The following NBPF20 variants were observed in gnomAD, a reference collection of about 807,000 sequenced individuals.
NBPF20 encodes NBPF family member NBPF20.
In NBPF20, 90 loss-of-function variants were observed where a neutral mutation model predicts 68.1. That is an observed-to-expected ratio of 1.32 (90% CI 1.11 to 1.58). The LOEUF is 1.58. Among genes scored for constraint, NBPF20 ranks in the 40% most tolerant of loss-of-function variants. NBPF20 has a pLI of 0.00. For missense variants in NBPF20, 816 were observed against 601.2 expected (o/e 1.36, Z -3.74); for synonymous variants, 290 against 228.1 (o/e 1.27, Z -2.45).
chr1:145,291,280 A>C, exon 138 of NBPF20: 1 of 637,280 alleles, frequency 1.6e-6, no homozygotes, highest in South Asian at 2.0e-5. Flanking sequence ...TCAAATTAAA[A>C]TGTCTGACTG....
chr1:145,396,895 T>A (rs1325385220), intron 7 of NBPF20, among the ~76,000 whole-genome samples: 2 of 124,906 alleles, frequency 1.6e-5, no homozygotes, highest in Admixed American at 8.4e-5. Flanking sequence ...ATTAGGTATA[T>A]CTCCTAATGC....
chr1:145,424,824 G>C, the NBPF20 span, among the ~76,000 whole-genome samples: 1 of 152,170 alleles, frequency 6.6e-6, no homozygotes, highest in Admixed American at 6.5e-5. Context: ...CTAGTCATGA[G>C]GTGATTCAGT....
chr1:145,395,555 AT>A (rs1309183108), intron 7 of NBPF20, among the ~76,000 whole-genome samples: 1 of 148,984 alleles, frequency 6.7e-6, no homozygotes, highest in Non-Finnish European at 1.5e-5. Flanking sequence ...CATTTTCCCA[AT>A]ATTTTGATAT....
intron 112 of NBPF20, among the ~76,000 whole-genome samples, 167 bp downstream of exon 117, chr1:145,312,041 G>T (rs1210505758): frequency 0.01 from 396 of 38,656 alleles, no homozygotes; most frequent in Non-Finnish European, 0.013. Flanking sequence ...CCCATCCCTT[G>T]TCTGGGCTTC....
rs184364869 is a variant in NBPF20, at chr1:145,292,658, C to T, written c.16589-169G>A. On this transcript the variant is annotated intron_variant, in intron 136 of 137. Coordinates refer to ENST00000369373, the Ensembl canonical transcript of NBPF20. ...AAGGCTGTTCATGATAGAACTTCCT[C>T]GGTTTTTCTCCCAGAAACTGTGGGT... Among the ~76,000 whole-genome samples, 15 of 147,968 alleles carry T rather than the reference C, an allele frequency of 1.0e-4. 2 individuals are homozygous for T. The highest frequency in any genetic ancestry group is 3.9e-4 in the East Asian group (2 of 5,154).
At chr1:145,410,565 G>A (rs1160820030), upstream of NBPF20, among the ~76,000 whole-genome samples, 2 of 150,596 alleles carry the variant, frequency 1.3e-5, no homozygotes, top group Admixed American at 1.3e-4. Flanking sequence ...CGCCCGCCTC[G>A]GCCTCCCAAA....
In NBPF20 at chr1:145,393,071, C is replaced by T. The variant is rs1553662405; in HGVS notation, c.1216+3G>A. The T allele has an allele frequency of 1.5e-5, 8 of 551,652 alleles. No individual in the cohort carries two copies. The South Asian group carries it at 1.6e-4, about 11-fold the overall frequency. 34.2% of individuals were successfully genotyped at this position (551,652 alleles called of 1,614,324 possible). On this transcript the variant is annotated splice_donor_region_variant and intron_variant, in intron 10 of 137. Coordinates refer to ENST00000369373, the Ensembl canonical transcript of NBPF20. The stretch of plus-strand genomic sequence containing the variant: ...CTTATCACCTTCATAGAAAGGTACT[C>T]ACCATCCATGTCAACAGCCAAGCCA...
At chr1:145,393,826 G>T (rs1222687546) in intron 9 of NBPF20, 58 bp downstream of exon 14, 4 of 1,265,938 alleles carry the variant, frequency 3.2e-6, no homozygotes, top group Admixed American at 1.7e-5. Context: ...GTTTTCCCTG[G>T]ACTTGGCATC....
At position 145,393,877 on chromosome 1, in the gene NBPF20, G is replaced by C. The variant is rs1360974372; in HGVS notation, c.1043+7C>G. 3.2e-6 allele frequency: 5 copies of C among 1,545,742 alleles called. No individual in the cohort carries two copies. The East Asian group carries it at 6.7e-5, about 21-fold the overall frequency. On this transcript the variant is annotated splice_region_variant and intron_variant, in intron 9 of 137. Transcript: ENST00000369373. ...CAAATTAACTCTCCACAATTTCTCA[G>C]ACTCACCTGGGACCTGTTGCCTCTT... is the stretch of plus-strand genomic sequence containing the variant.
chr1:145,291,828 C>A (rs1319445303), intron 137 of NBPF20, 59 bp from the exon 143 acceptor site: 15 of 1,611,204 alleles, frequency 9.3e-6, no homozygotes, highest in Middle Eastern at 2.3e-4. Flanking sequence ...CACAGAGCCC[C>A]ACTAGATTTC....
chr1:145,405,083 G>A lies in NBPF20; in HGVS notation c.175+15C>T, dbSNP rs1157647872. Reference sequence around the variant, plus strand: ...TCATTCATCACTTTCATGATGGTGAGCCTATAGATCTTACTGTATTTCTTC... The same window carrying A: ...TCATTCATCACTTTCATGATGGTGAACCTATAGATCTTACTGTATTTCTTC... On this transcript the variant is annotated intron_variant, in intron 2 of 137. Coordinates refer to ENST00000369373, the Ensembl canonical transcript of NBPF20. 29 of 1,613,142 alleles carry A rather than the reference G, an allele frequency of 1.8e-5. No individual in the cohort carries two copies. In the Admixed American group the frequency reaches 4.7e-4, roughly 26 times the overall value.
chr1:145,421,908 C>A, the NBPF20 span, among the ~76,000 whole-genome samples: 2 of 151,994 alleles, frequency 1.3e-5, no homozygotes, highest in Admixed American at 6.6e-5. Context: ...CATAGTGGTG[C>A]ATGCCTGTAG....
chr1:145,421,803 T>C, the NBPF20 span, among the ~76,000 whole-genome samples: 2 of 152,284 alleles, frequency 1.3e-5, no homozygotes, highest in Non-Finnish European at 2.9e-5. Flanking sequence ...CACTTTGAGA[T>C]GCCAAGGTGG....
In NBPF20 at chr1:145,291,401, A is replaced by G; in HGVS notation, c.*125T>C. The G allele has an allele frequency of 2.5e-6, 4 of 1,593,170 alleles. No individual in the cohort carries two copies. The South Asian group carries it at 4.6e-5, about 18-fold the overall frequency. The stretch of plus-strand genomic sequence containing the variant: ...ACTGGCATGGTTTGAGAATAGGAAT[A>G]CAGCCATGCCCACTGACCCATCCTA... On this transcript the variant is annotated 3_prime_UTR_variant, in exon 138 of 138. Transcript: ENST00000369373.
the NBPF20 span, among the ~76,000 whole-genome samples, chr1:145,421,065 G>T: frequency 3.5e-5 from 5 of 142,434 alleles, no homozygotes; most frequent in East Asian, 4.1e-4. Flanking sequence ...TGAATTAGAG[G>T]TTAGTGAGCT....
exon 3 of NBPF20, chr1:145,403,221 C>A: frequency 4.3e-6 from 7 of 1,612,512 alleles, no homozygotes; most frequent in Non-Finnish European, 5.9e-6. Context: ...CTCACCTGAG[C>A]TCCTCAGCTT....
intron 9 of NBPF20, chr1:145,393,670 T>A (rs1391900215): frequency 1.5e-6 from 2 of 1,343,434 alleles, no homozygotes; most frequent in South Asian, 2.8e-5. Context: ...TTTTGAGTTA[T>A]GGTCAACTTT....
At chr1:145,291,866 A>T in intron 137 of NBPF20, 97 bp from the exon 143 acceptor site, 1 of 1,605,096 alleles carries the variant, frequency 6.2e-7, no homozygotes, top group South Asian at 1.1e-5. Context: ...GTGGTTAGAA[A>T]AGAAAAAGGA....
At chr1:145,409,069 A>AACCC (rs1553668388), upstream of NBPF20, among the ~76,000 whole-genome samples, 32 of 149,052 alleles carry the variant, frequency 2.1e-4, no homozygotes, top group East Asian at 3.5e-3. Context: ...TTTGCAGTTC[A>AACCC]TCAGCCTTTC....
Sources: allele counts gnomAD v4.1 joint callset (sites outside exome capture counted in the v4.1 genomes callset), GRCh38; gene constraint gnomAD v4.1.1; transcripts MANE v1.5; gene names NCBI Gene and HGNC (gene_info 2026-07-23, HGNC 2026-07-21).